The following CHRNB4 variants were observed in gnomAD, a reference collection of about 807,000 sequenced individuals.
CHRNB4 encodes the protein cholinergic receptor nicotinic beta 4 subunit, also known as neuronal acetylcholine receptor subunit beta-4.
A neutral mutation model predicts 40.4 loss-of-function variants in CHRNB4; 23 were observed. The observed-to-expected ratio is 0.57, with a 90% CI of 0.41 to 0.81. CHRNB4 has a LOEUF of 0.81. Ranked by LOEUF, CHRNB4 falls within the 30% of genes least tolerant of loss-of-function variation. The pLI is 0.00. For missense variants in CHRNB4, 568 were observed against 670.6 expected, an observed-to-expected ratio of 0.85 and a Z score of 1.69; for synonymous variants, 285 against 274.4, an observed-to-expected ratio of 1.04 and a Z score of -0.38.
intron 6 of CHRNB4, among the ~76,000 whole-genome samples, chr15:78,650,271 G>A (rs946345469): frequency 2.0e-5 from 3 of 152,198 alleles, no homozygotes; most frequent in Non-Finnish European, 2.9e-5. Flanking sequence ...GGCTGCAGTG[G>A]TGCTGGCCAG....
chr15:78,650,954 C>T (rs1343195560), intron 6 of CHRNB4, among the ~76,000 whole-genome samples: 3 of 151,942 alleles, frequency 2.0e-5, no homozygotes, highest in African/African-American at 7.3e-5. Flanking sequence ...TTTCATAGGG[C>T]GTAAGTGCAG....
chr15:78,631,647 A>G (rs895720198), intron 2 of CHRNB4, among the ~76,000 whole-genome samples: 1 of 152,150 alleles, frequency 6.6e-6, no homozygotes, highest in Non-Finnish European at 1.5e-5. Context: ...CTTGTAAGCT[A>G]TATCTTCTAA....
Position 78,624,919 on chromosome 15 carries a change from C to T in CHRNB4, c.*214G>A, listed in dbSNP as rs528445489. 2.2e-5 allele frequency: 33 copies of T among 1,467,246 alleles called. No individual in the cohort carries two copies. The highest frequency in any genetic ancestry group is 2.9e-5 in the Non-Finnish European group (32 of 1,109,272). The allele number at this position is 1,467,246 out of a possible 1,614,324, so 90.9% of individuals were successfully genotyped here. On this transcript the variant is annotated 3_prime_UTR_variant, in exon 6 of 6. Transcript: ENST00000261751. ...CCAGAATTGAACTGTCTGAAGCTCCCTCCTACTGGGGCTTCCTGGGATCCC... is the reference window on the plus strand; with the variant it reads ...CCAGAATTGAACTGTCTGAAGCTCCTTCCTACTGGGGCTTCCTGGGATCCC...
chr15:78,642,694 T>C (rs2054091467), upstream of CHRNB4, among the ~76,000 whole-genome samples: 1 of 152,196 alleles, frequency 6.6e-6, no homozygotes, highest in South Asian at 2.1e-4. Flanking sequence ...GCAAAGGGGA[T>C]ACGATGAAAT....
chr15:78,629,434 C>T lies in CHRNB4; in HGVS notation c.871G>A (p.Asp291Asn), dbSNP rs573139426. Residue 291 changes from aspartate (D) to asparagine (N), a missense_variant, in exon 5 of 6, where the codon GAT (aspartate) becomes AAT (asparagine). By Grantham distance (23) the Asp-to-Asn change is conservative. Coordinates refer to ENST00000261751, the MANE Select transcript of CHRNB4 (RefSeq NM_000750.5). The surrounding 1 kb of genome is among the most constrained non-coding windows in gnomAD (Gnocchi z 6.8). ...AGGTACTTGCCGATGAGAGGCACAT[C>T]GAGGGAGGTGGGTGGCACGATCTTG... ...ISKIVPPTSLDVPLIGKYLMF... is the reference protein window; with the variant it reads ...ISKIVPPTSLNVPLIGKYLMF... 12 of 1,613,970 alleles carry T rather than the reference C, an allele frequency of 7.4e-6. No homozygotes were observed. Among genetic ancestry groups the T allele is most frequent in the East Asian group, 2.2e-5 (1 of 44,882 alleles).
chr15:78,635,752 A>T (rs1359523163), intron 1 of CHRNB4, among the ~76,000 whole-genome samples, 165 bp from the exon 2 acceptor site: 1 of 152,070 alleles, frequency 6.6e-6, no homozygotes, highest in Non-Finnish European at 1.5e-5. Context: ...CAAATTAAAT[A>T]CACTCAACAC....
exon 4 of CHRNB4, chr15:78,656,332 G>C (rs1459646279): frequency 6.0e-5 from 5 of 83,778 alleles, no homozygotes; most frequent in Admixed American, 1.5e-4. Flanking sequence ...GTAAGTCTCT[G>C]TCTCAAAAAA....
intron 5 of CHRNB4, chr15:78,626,549 A>G (rs2053665114): frequency 6.6e-6 from 1 of 152,326 alleles, no homozygotes; most frequent in Non-Finnish European, 1.5e-5. Context: ...CAATCAACCA[A>G]TAAGCCGGCC....
At chr15:78,636,745 A>G (rs763095593) in intron 1 of CHRNB4, among the ~76,000 whole-genome samples, 11 of 151,966 alleles carry the variant, frequency 7.2e-5, no homozygotes, top group Admixed American at 2.6e-4. Flanking sequence ...CACCACACCC[A>G]GCTTGTCTCA....
intron 1 of CHRNB4, among the ~76,000 whole-genome samples, chr15:78,636,986 A>G (rs1246212236): frequency 1.3e-5 from 2 of 152,194 alleles, no homozygotes; most frequent in South Asian, 4.1e-4. Flanking sequence ...TTCCCTAAGA[A>G]GAAACAGAGC....
chr15:78,641,111 A>C lies in CHRNB4; in HGVS notation c.23T>G (p.Val8Gly). Residue 8 changes from valine to glycine, a missense_variant, in exon 1 of 6, where the codon GTC becomes GGC. Around this residue, in one of 4 missense-constraint regions of CHRNB4, gnomAD observed 161 missense variants for 148.1 expected, o/e 1.09. Transcript: ENST00000261751. MRRAPSLVLFFLVALCGR... is the reference protein window; with the variant it reads MRRAPSLGLFFLVALCGR... ...GCAAAGGGCGACCAGGAAGAAAAGG[A>C]CCAGGGAAGGCGCGCGCCTCATGGC... 3.2e-6 allele frequency: 5 copies of C among 1,580,932 alleles called. No homozygotes were observed. Among genetic ancestry groups the C allele is most frequent in the Non-Finnish European group, 4.3e-6 (5 of 1,164,506 alleles).
chr15:78,661,501 C>A, upstream of CHRNB4: 1 of 528,026 alleles, frequency 1.9e-6, no homozygotes. Context: ...ATTTGTCTGG[C>A]CAGAAAGCTG....
At chr15:78,631,227 C>T in intron 3 of CHRNB4, 42 bp from the exon 4 acceptor site, 1 of 1,613,002 alleles carries the variant, frequency 6.2e-7, no homozygotes, top group Non-Finnish European at 8.5e-7. Flanking sequence ...AGGTCCACTG[C>T]CACCAAAGGG....
intron 1 of CHRNB4, among the ~76,000 whole-genome samples, chr15:78,660,226 A>C (rs2054241039): frequency 6.8e-6 from 1 of 147,620 alleles, no homozygotes; most frequent in Non-Finnish European, 1.5e-5. Flanking sequence ...AAAAAAGTGA[A>C]TATAAATATG....
chr15:78,649,809 A>C (rs1338365269), intron 6 of CHRNB4, among the ~76,000 whole-genome samples: 1 of 152,144 alleles, frequency 6.6e-6, no homozygotes, highest in African/African-American at 2.4e-5. Context: ...GGATGGGAAG[A>C]AAAATAATCA....
chr15:78,661,002 T>G, upstream of CHRNB4: 1 of 504,692 alleles, frequency 2.0e-6, no homozygotes, highest in Non-Finnish European at 3.8e-6. Flanking sequence ...CTTTCTCTCT[T>G]CTTCCAAAAT....
rs2053752727 is a variant in CHRNB4 at position 78,629,655 on chromosome 15, G to A, written c.650C>T (p.Pro217Leu). Reference sequence around the variant, plus strand: ...GTCGTAAGTCACGTCCACGTAGCTGGGGTCTTGTGGGTTCACTGTCCTTCT... The same window carrying A: ...GTCGTAAGTCACGTCCACGTAGCTGAGGTCTTGTGGGTTCACTGTCCTTCT... ...PGRRTVNPQDPSYVDVTYDFI... is the reference protein window; with the variant it reads ...PGRRTVNPQDLSYVDVTYDFI... Residue 217 changes from proline to leucine, a missense_variant, in exon 5 of 6, where the codon CCC becomes CTC. This residue lies in a region of CHRNB4 where 127 missense variants were observed against 167.4 expected (regional missense o/e 0.76). Coordinates refer to ENST00000261751, the MANE Select transcript of CHRNB4 (RefSeq NM_000750.5). This position sits in a 1 kb window ranked among gnomAD's most constrained non-coding sequence, Gnocchi z 6.8. 4 of 1,614,006 alleles carry A rather than the reference G, an allele frequency of 2.5e-6. No homozygotes were observed. The highest frequency in any genetic ancestry group is 1.1e-5 in the South Asian group (1 of 91,080).
chr15:78,638,399 C>T (rs2053999201), intron 1 of CHRNB4, among the ~76,000 whole-genome samples: 1 of 152,222 alleles, frequency 6.6e-6, no homozygotes, highest in South Asian at 2.1e-4. Flanking sequence ...GAAACTGAGA[C>T]CAAAGAGGGA....
chr15:78,653,324 T>A (rs1009668296), intron 5 of CHRNB4, among the ~76,000 whole-genome samples: 1 of 152,180 alleles, frequency 6.6e-6, no homozygotes, highest in African/African-American at 2.4e-5. Context: ...TCCTGAATCA[T>A]CTCCTCCCTC....
Sources: gnomAD v4.1 joint callset for allele counts (sites outside exome capture counted in the v4.1 genomes callset) on GRCh38, gnomAD v4.1.1 for gene constraint, gnomAD v4.1.1 regional missense constraint, Gnocchi (gnomAD v3.1) non-coding constraint, MANE v1.5 for transcripts, NCBI Gene and HGNC (gene_info 2026-07-23, HGNC 2026-07-21) for gene names.